BRINP1: variants seen among roughly 807,000 people sequenced by gnomAD.
BRINP1 encodes the protein BMP/retinoic acid-inducible neural-specific protein 1.
In BRINP1, 17 loss-of-function variants were observed where a neutral mutation model predicts 72.9. The ratio of observed to expected loss-of-function variants is 0.23; its 90% CI spans 0.16 to 0.35. The LOEUF (loss-of-function observed/expected upper bound fraction) is 0.35. BRINP1 is among the 10% of genes least tolerant of loss of function. The pLI, the probability that BRINP1 is intolerant of heterozygous loss-of-function variation, is 1.00. For missense variants in BRINP1, 850 were observed against 1,001.6 expected, an observed-to-expected ratio of 0.85 and a Z score of 2.04; for synonymous variants, 418 against 378.5, an observed-to-expected ratio of 1.10 and a Z score of -1.21.
At chr9:119,247,106 T>G (rs1259338115) in intron 3 of BRINP1, among the ~76,000 whole-genome samples, 1 of 152,198 alleles carries the variant, frequency 6.6e-6, no homozygotes, top group African/African-American at 2.4e-5. Flanking sequence ...AGAATTGAAT[T>G]GGTCTCAATG....
chr9:119,271,433 G>A (rs947803766), intron 2 of BRINP1, among the ~76,000 whole-genome samples: 34 of 152,000 alleles, frequency 2.2e-4, no homozygotes, highest in Non-Finnish European at 2.2e-4. Context: ...ATTATATTAT[G>A]CAACTATCAT....
rs149658549 is a variant in BRINP1 at position 119,289,374 on chromosome 9, C to T, written c.218+23764G>A. On this transcript the variant is annotated intron_variant, in intron 2 of 7. Transcript: ENST00000265922. ...AACTGGTATTCTCTACCAATGAAGA[C>T]GATGGAGAAGAGGCAAAGCATGGTC... is the stretch of plus-strand genomic sequence containing the variant. 5.3e-5 allele frequency among the ~76,000 whole-genome samples: 8 copies of T among 152,234 alleles called. No individual in the cohort carries two copies. In the East Asian group the frequency reaches 1.2e-3, roughly 22 times the overall value.
At chr9:119,179,428 T>C (rs1829527406) in intron 7 of BRINP1, among the ~76,000 whole-genome samples, 1 of 152,168 alleles carries the variant, frequency 6.6e-6, no homozygotes, top group African/African-American at 2.4e-5. Context: ...GCCTGATTGA[T>C]TGATAGGTAC....
At chr9:119,265,725 C>CT (rs1368791982) in intron 2 of BRINP1, among the ~76,000 whole-genome samples, 1 of 152,048 alleles carries the variant, frequency 6.6e-6, no homozygotes, top group Non-Finnish European at 1.5e-5. Context: ...CAATCAGTAC[C>CT]TTTTTTTAAA....
At chr9:119,230,305 C>G (rs1830134267) in intron 5 of BRINP1, among the ~76,000 whole-genome samples, 1 of 151,900 alleles carries the variant, frequency 6.6e-6, no homozygotes, top group African/African-American at 2.4e-5. Flanking sequence ...AACTGTATAC[C>G]AAAACTTTCA....
chr9:119,322,345 C>T (rs1020304084), intron 1 of BRINP1, among the ~76,000 whole-genome samples: 1 of 152,132 alleles, frequency 6.6e-6, no homozygotes, highest in Non-Finnish European at 1.5e-5. Context: ...CTGGCTGTGG[C>T]GTGGTGAGCA....
intron 1 of BRINP1, among the ~76,000 whole-genome samples, chr9:119,320,505 G>A (rs528816329): frequency 1.3e-5 from 2 of 152,106 alleles, no homozygotes; most frequent in African/African-American, 2.4e-5. Flanking sequence ...GAAACAAATG[G>A]GCACTGACTC....
intron 7 of BRINP1, among the ~76,000 whole-genome samples, chr9:119,183,511 G>A (rs1829579850): frequency 6.6e-6 from 1 of 152,198 alleles, no homozygotes; most frequent in African/African-American, 2.4e-5. Flanking sequence ...GGGCTGTACA[G>A]TACAGAGAAT....
intron 2 of BRINP1, among the ~76,000 whole-genome samples, chr9:119,255,596 G>A (rs79009459): frequency 4.6e-5 from 7 of 151,944 alleles, no homozygotes; most frequent in Non-Finnish European, 8.8e-5. Context: ...TCCTTCATAC[G>A]TGCAAAAAAA....
intron 7 of BRINP1, among the ~76,000 whole-genome samples, chr9:119,175,165 C>T (rs954894168): frequency 1.4e-4 from 20 of 145,306 alleles, no homozygotes; most frequent in African/African-American, 5.1e-4. Flanking sequence ...GGCACATATA[C>T]ACCACGGAAT....
At chr9:119,318,448 A>G (rs1831148469) in intron 1 of BRINP1, among the ~76,000 whole-genome samples, 1 of 152,160 alleles carries the variant, frequency 6.6e-6, no homozygotes, top group Non-Finnish European at 1.5e-5. Flanking sequence ...TGTCACTGCA[A>G]GTCTCAGTTG....
chr9:119,340,217 A>G (rs1472934966), intron 1 of BRINP1, among the ~76,000 whole-genome samples: 1 of 152,246 alleles, frequency 6.6e-6, no homozygotes, highest in Non-Finnish European at 1.5e-5. Flanking sequence ...AATCAGGACA[A>G]TTAAAAATAA....
Position 119,368,410 on chromosome 9 carries a change from T to G in BRINP1, c.-51+646A>C, listed in dbSNP as rs890388552. 3.3e-5 allele frequency among the ~76,000 whole-genome samples: 5 copies of G among 152,112 alleles called. No homozygotes were observed. The East Asian group carries it at 9.7e-4, about 30-fold the overall frequency. On this transcript the variant is annotated intron_variant, in intron 1 of 7. Coordinates refer to ENST00000265922, the MANE Select transcript of BRINP1 (RefSeq NM_014618.3). This position sits in a 1 kb window ranked among gnomAD's most constrained non-coding sequence, Gnocchi z 4.7. Reference sequence around the variant, plus strand: ...AGCTGTGGGTCCCAGTGTAGCAGGATTCCACCGTTTGGAGGAATTTTCCTT... The same window carrying G: ...AGCTGTGGGTCCCAGTGTAGCAGGAGTCCACCGTTTGGAGGAATTTTCCTT...
At chr9:119,288,764 G>A (rs1830792127) in intron 2 of BRINP1, among the ~76,000 whole-genome samples, 1 of 151,944 alleles carries the variant, frequency 6.6e-6, no homozygotes, top group African/African-American at 2.4e-5. Flanking sequence ...CAAAGGAGAG[G>A]TTTTGTTTGT....
chr9:119,343,254 G>C (rs904933054), intron 1 of BRINP1, among the ~76,000 whole-genome samples: 2 of 152,170 alleles, frequency 1.3e-5, no homozygotes, highest in African/African-American at 4.8e-5. Flanking sequence ...GCTCCGCACT[G>C]CCTACGGGGA....
intron 3 of BRINP1, among the ~76,000 whole-genome samples, chr9:119,245,503 C>A (rs1303248770): frequency 3.3e-5 from 5 of 152,168 alleles, no homozygotes; most frequent in Admixed American, 6.5e-5. Context: ...ATTTCTATGC[C>A]TGTTTTCTTG....
chr9:119,316,654 C>T (rs181670508), intron 1 of BRINP1, among the ~76,000 whole-genome samples: 5 of 152,146 alleles, frequency 3.3e-5, no homozygotes, highest in Admixed American at 3.3e-4. Flanking sequence ...ACATAGTTTA[C>T]TGAATATTTT....
At chr9:119,356,988 T>C (rs2119038390) in intron 1 of BRINP1, among the ~76,000 whole-genome samples, 1 of 152,338 alleles carries the variant, frequency 6.6e-6, no homozygotes, top group East Asian at 1.9e-4. Context: ...ATTGCTATTT[T>C]CATTTATTTG....
intron 1 of BRINP1, among the ~76,000 whole-genome samples, chr9:119,341,184 G>A (rs1156463112): frequency 6.6e-6 from 1 of 152,148 alleles, no homozygotes; most frequent in African/African-American, 2.4e-5. Context: ...CAAAAGTTGG[G>A]AAGACACCAC....
Sources: gnomAD v4.1 joint callset for allele counts (sites outside exome capture counted in the v4.1 genomes callset) on GRCh38, gnomAD v4.1.1 for gene constraint, Gnocchi (gnomAD v3.1) non-coding constraint, MANE v1.5 for transcripts, NCBI Gene and HGNC (gene_info 2026-07-23, HGNC 2026-07-21) for gene names.